The following CYP4X1 variants were observed in gnomAD, a reference collection of about 807,000 sequenced individuals.
CYP4X1 encodes the protein cytochrome P450 4X1.
CYP4X1 carries 44 observed loss-of-function variants against 57.9 expected under a neutral mutation model. The observed-to-expected ratio is 0.76, with a 90% CI of 0.60 to 0.98. CYP4X1 has a LOEUF of 0.98. Among genes scored for constraint, CYP4X1 ranks in the 50% least tolerant of loss-of-function variants. The pLI, the probability that CYP4X1 is intolerant of heterozygous loss-of-function variation, is 0.00. For synonymous variants in CYP4X1, 227 were observed against 228.6 expected (o/e 0.99, Z 0.06); for missense variants, 532 against 623.9 (o/e 0.85, Z 1.57).
upstream of CYP4X1, among the ~76,000 whole-genome samples, chr1:47,022,437 C>T (rs1644008751): frequency 6.6e-6 from 1 of 151,752 alleles, no homozygotes; most frequent in Non-Finnish European, 1.5e-5. Context: ...ATTACAGGCG[C>T]GCGCCACCAC....
At chr1:47,036,215 A>G in intron 6 of CYP4X1, 44 bp downstream of exon 6, 1 of 1,570,146 alleles carries the variant, frequency 6.4e-7, no homozygotes, top group Non-Finnish European at 8.6e-7. Flanking sequence ...CGCTGCCATG[A>G]TTGTACTGTG....
the CYP4X1 span, among the ~76,000 whole-genome samples, chr1:47,011,849 C>G: frequency 2.0e-5 from 3 of 152,162 alleles, no homozygotes; most frequent in African/African-American, 4.8e-5. Context: ...CAAATCAAAA[C>G]CACAATGAGA....
the CYP4X1 span, among the ~76,000 whole-genome samples, chr1:46,982,152 T>C: frequency 1.3e-5 from 2 of 152,198 alleles, no homozygotes; most frequent in African/African-American, 4.8e-5. Flanking sequence ...AAAATCCATT[T>C]GTGTAATAAT....
chr1:47,006,927 T>A, the CYP4X1 span, among the ~76,000 whole-genome samples: 1 of 152,138 alleles, frequency 6.6e-6, no homozygotes, highest in Non-Finnish European at 1.5e-5. Flanking sequence ...ACAAAGCGGC[T>A]GGGAAGCTCA....
At position 47,023,751 on chromosome 1, in the gene CYP4X1, G is replaced by A. The variant is rs149712468; in HGVS notation, c.-67G>A. 1.5e-3 allele frequency: 2,300 copies of A among 1,551,026 alleles called. 24 individuals carry two copies. The African/African-American group carries it at 0.026, about 17-fold the overall frequency. ...GGGTGGGCGACCCTACGCCAGCTCC[G>A]GGCGGGAGAAAGCCCACCCTCTCCC... On this transcript the variant is annotated 5_prime_UTR_variant, in exon 1 of 12. Coordinates refer to ENST00000371901, the MANE Select transcript of CYP4X1 (RefSeq NM_178033.2).
At chr1:46,969,991 G>T in the CYP4X1 span, among the ~76,000 whole-genome samples, 1 of 152,200 alleles carries the variant, frequency 6.6e-6, no homozygotes, top group Non-Finnish European at 1.5e-5. Flanking sequence ...AAAGGACTTT[G>T]TTAACCTTTC....
chr1:47,009,437 A>G, the CYP4X1 span, among the ~76,000 whole-genome samples: 1 of 152,208 alleles, frequency 6.6e-6, no homozygotes, highest in African/African-American at 2.4e-5. Context: ...TTATAGCAAT[A>G]AATGCTCACA....
chr1:47,006,711 G>A, the CYP4X1 span, among the ~76,000 whole-genome samples: 2 of 152,152 alleles, frequency 1.3e-5, no homozygotes, highest in Non-Finnish European at 2.9e-5. Flanking sequence ...ACGGCACCTG[G>A]AAAATTGGGT....
chr1:46,992,387 G>A, the CYP4X1 span, among the ~76,000 whole-genome samples: 1 of 152,132 alleles, frequency 6.6e-6, no homozygotes, highest in Admixed American at 6.5e-5. Flanking sequence ...CAGAAACTCT[G>A]TAACCATTAA....
chr1:46,993,654 G>A, the CYP4X1 span, among the ~76,000 whole-genome samples: 3 of 152,164 alleles, frequency 2.0e-5, no homozygotes, highest in Non-Finnish European at 2.9e-5. Context: ...ATCTCATTGC[G>A]GTTTTGATTT....
intron 10 of CYP4X1, 43 bp from the exon 11 acceptor site, chr1:47,049,379 A>G: frequency 6.8e-7 from 1 of 1,468,524 alleles, no homozygotes; most frequent in South Asian, 1.1e-5. Flanking sequence ...AAATGTGTTC[A>G]TGTTGTTTGG....
Position 47,039,390 on chromosome 1 carries a change from AGCACATTCCT to A in CYP4X1, c.933_942del (p.Thr312TrpfsTer20). On this transcript the variant is annotated frameshift_variant, in exon 8 of 12. Transcript: ENST00000371901. LOFTEE classifies it high-confidence loss of function. Reference sequence around the variant, plus strand: ...AGATATTGATGTACACTCTGAAGTGAGCACATTCCTGTTGGCAGGACATGACACCTTGGCA... The same window carrying A: ...AGATATTGATGTACACTCTGAAGTGAGTTGGCAGGACATGACACCTTGGCA... 6.2e-7 allele frequency: 1 copy of A among 1,613,476 alleles called. No homozygotes were observed.
At position 47,023,879 on chromosome 1, in the gene CYP4X1, G is replaced by T; in HGVS notation, c.62G>T (p.Cys21Phe). The T allele has an allele frequency of 1.9e-6, 3 of 1,613,730 alleles. No individual in the cohort carries two copies. In the South Asian group the frequency reaches 3.3e-5, roughly 18 times the overall value. The change falls in exon 1 of 12, where the codon TGC becomes TTC. Residue 21 changes from cysteine to phenylalanine, a missense_variant. By Grantham distance (205) the Cys-to-Phe change is radical. Transcript: ENST00000371901. ...CCCTTTTACCTGGCGTTCGTGTTCTGCCTGGCCCTGGGGCTGCTGCAGGCC... is the reference window on the plus strand; with the variant it reads ...CCCTTTTACCTGGCGTTCGTGTTCTTCCTGGCCCTGGGGCTGCTGCAGGCC... Reference protein sequence around the residue: ...ARPFYLAFVFCLALGLLQAIK... With the variant: ...ARPFYLAFVFFLALGLLQAIK...
chr1:47,047,980 C>T (rs11211425), intron 9 of CYP4X1, among the ~76,000 whole-genome samples: 16,478 of 151,646 alleles, frequency 0.11, 1,020 homozygotes, highest in East Asian at 0.22. Flanking sequence ...CAGTGGCTGA[C>T]GCATATAATC....
intron 8 of CYP4X1, 64 bp downstream of exon 8, chr1:47,039,596 C>T (rs568830720): frequency 3.5e-5 from 49 of 1,403,136 alleles, no homozygotes; most frequent in Middle Eastern, 2.6e-4. Flanking sequence ...TTATTTTTTG[C>T]GCTGGTACCT....
the CYP4X1 span, among the ~76,000 whole-genome samples, chr1:46,989,680 A>G: frequency 6.6e-6 from 1 of 152,254 alleles, no homozygotes; most frequent in Non-Finnish European, 1.5e-5. Context: ...CCAAAACAGC[A>G]TAGTACTGGT....
At chr1:47,038,606 A>G in intron 6 of CYP4X1, 54 bp from the exon 7 acceptor site, 1 of 1,412,998 alleles carries the variant, frequency 7.1e-7, no homozygotes, top group South Asian at 1.3e-5. Context: ...CTTGCTTTAT[A>G]ATTTATTTGA....
At chr1:47,045,434 T>A (rs1263337601) in intron 8 of CYP4X1, among the ~76,000 whole-genome samples, 1 of 152,226 alleles carries the variant, frequency 6.6e-6, no homozygotes, top group Non-Finnish European at 1.5e-5. Flanking sequence ...CATAGAGTTC[T>A]CATTCATTTA....
At chr1:46,977,087 C>G in the CYP4X1 span, among the ~76,000 whole-genome samples, 6 of 152,172 alleles carry the variant, frequency 3.9e-5, no homozygotes, top group Non-Finnish European at 8.8e-5. Context: ...ATCACAGCTC[C>G]TCACTAGTAA....
Sources: allele counts gnomAD v4.1 joint callset (sites outside exome capture counted in the v4.1 genomes callset), GRCh38; gene constraint gnomAD v4.1.1; transcripts MANE v1.5; gene names NCBI Gene and HGNC (gene_info 2026-07-23, HGNC 2026-07-21).